Variants in ALK observed in about 807,000 individuals in gnomAD.
ALK encodes ALK tyrosine kinase receptor.
In ALK, 74 loss-of-function variants were observed where a neutral mutation model predicts 163.1. The ratio of observed to expected loss-of-function variants is 0.45; its 90% CI spans 0.38 to 0.55. The LOEUF is 0.55. Among genes scored for constraint, ALK ranks in the 20% least tolerant of loss-of-function variants. The probability of loss-of-function intolerance (pLI) is 0.00; values close to 1 mark genes in which losing one functional copy is unlikely to be tolerated. For synonymous variants in ALK, 960 were observed against 843.2 expected, an observed-to-expected ratio of 1.14 and a Z score of -2.40; for missense variants, 2,063 against 2,105.3, an observed-to-expected ratio of 0.98 and a Z score of 0.39.
At chr2:29,435,449 G>T (rs537378378) in intron 4 of ALK, among the ~76,000 whole-genome samples, 277 of 152,084 alleles carry the variant, frequency 1.8e-3, no homozygotes, top group Non-Finnish European at 2.9e-3. Flanking sequence ...CACTTCGTAA[G>T]ATTAAAAAAA....
chr2:29,635,211 T>C (rs1202344526), intron 3 of ALK, among the ~76,000 whole-genome samples: 3 of 152,152 alleles, frequency 2.0e-5, no homozygotes, highest in African/African-American at 4.8e-5. Flanking sequence ...TTCCCCAAAA[T>C]AGATATATAG....
rs1373907084 is a variant in ALK, at chr2:29,223,384, C to CTGA, written c.3314_3316dup (p.Ile1105dup). 1 of 1,614,084 alleles carries CTGA rather than the reference C, an allele frequency of 6.2e-7. No homozygotes were observed. Among genetic ancestry groups the CTGA allele is most frequent in the Non-Finnish European group, 8.5e-7 (1 of 1,180,056 alleles). On this transcript the variant is annotated inframe_insertion, in exon 20 of 29. Coordinates refer to ENST00000389048, the MANE Select transcript of ALK (RefSeq NM_004304.5). ...TTTCCGCGGCACCTCCTTCAGGTCA[C>CTGA]TGATGGAGGAGGTCTTGCCAGCAAA...
In ALK at chr2:29,790,863, T is replaced by C. The variant is rs149087758; in HGVS notation, c.668-73166A>G. ...CCTCCCAGAGTGCTGGAATTAGAGG[T>C]GTGAGTCACCTCACCCGGCCAAAAA... On this transcript the variant is annotated intron_variant, in intron 1 of 28. Coordinates refer to ENST00000389048, the MANE Select transcript of ALK (RefSeq NM_004304.5). Among the ~76,000 whole-genome samples, 28 of 152,292 alleles carry C rather than the reference T, an allele frequency of 1.8e-4. No homozygotes were observed. The East Asian group carries it at 4.6e-3, about 25-fold the overall frequency.
intron 2 of ALK, 146 bp from the exon 3 acceptor site, chr2:29,695,160 C>T (rs979665482): frequency 2.4e-6 from 2 of 844,026 alleles, no homozygotes; most frequent in African/African-American, 1.7e-5. Context: ...TACCACAGGG[C>T]TCTGTATTGG....
At chr2:29,200,725 A>G (rs1669137601) in intron 26 of ALK, among the ~76,000 whole-genome samples, 1 of 146,768 alleles carries the variant, frequency 6.8e-6, no homozygotes, top group Non-Finnish European at 1.5e-5. Flanking sequence ...ACATACGTAT[A>G]TATGTATATA....
intron 9 of ALK, among the ~76,000 whole-genome samples, chr2:29,284,837 C>T (rs936150404): frequency 4.6e-5 from 7 of 152,168 alleles, no homozygotes; most frequent in Admixed American, 3.9e-4. Context: ...GGTTGCACAT[C>T]GTGTGCTGAG....
intron 1 of ALK, among the ~76,000 whole-genome samples, chr2:29,831,470 T>C (rs1039160937): frequency 1.3e-5 from 2 of 152,054 alleles, no homozygotes; most frequent in South Asian, 4.1e-4. Flanking sequence ...GACTCCTCTA[T>C]ACGCTAAATT....
chr2:29,496,229 CT>C (rs1313103457), intron 4 of ALK, among the ~76,000 whole-genome samples: 3 of 152,150 alleles, frequency 2.0e-5, no homozygotes, highest in Non-Finnish European at 4.4e-5. Flanking sequence ...TTATAAACAG[CT>C]TTTTTGCTCA....
At chr2:29,328,958 T>C (rs913561164) in intron 5 of ALK, among the ~76,000 whole-genome samples, 3 of 152,176 alleles carry the variant, frequency 2.0e-5, no homozygotes, top group Admixed American at 6.5e-5. Context: ...TGAGAAGATA[T>C]TAGAAAGATG....
chr2:29,894,934 A>G (rs1341393605), intron 1 of ALK, among the ~76,000 whole-genome samples: 1 of 152,082 alleles, frequency 6.6e-6, no homozygotes, highest in Non-Finnish European at 1.5e-5. Context: ...AGAGAGATGT[A>G]GCATTTGTTT....
chr2:29,388,238 G>A (rs1277923582), intron 4 of ALK, among the ~76,000 whole-genome samples: 1 of 152,146 alleles, frequency 6.6e-6, no homozygotes, highest in Admixed American at 6.5e-5. Context: ...GAGGGCAAAG[G>A]CACCAAGTTA....
rs150598123 is a variant in ALK, at chr2:29,345,941, T to C, written c.1283-17460A>G. Among the ~76,000 whole-genome samples the C allele has an allele frequency of 5.0e-4, 76 of 152,342 alleles. No individual in the cohort carries two copies. In the East Asian group the frequency reaches 0.012, roughly 24 times the overall value. ...AGAAAGGAAAACTAGAAGGAATGTA[T>C]GTCAAATTGTTAACCATAGTTATCT... On this transcript the variant is annotated intron_variant, in intron 5 of 28. Transcript: ENST00000389048.
chr2:29,451,739 C>T (rs1670824921), intron 4 of ALK, among the ~76,000 whole-genome samples: 1 of 152,148 alleles, frequency 6.6e-6, no homozygotes, highest in African/African-American at 2.4e-5. Flanking sequence ...TGTTTATTTG[C>T]ATATTTGTCT....
At chr2:29,416,686 C>A (rs1669885717) in intron 4 of ALK, among the ~76,000 whole-genome samples, 1 of 152,116 alleles carries the variant, frequency 6.6e-6, no homozygotes, top group African/African-American at 2.4e-5. Context: ...AGATACTACT[C>A]CTTTTGGCTC....
intron 11 of ALK, among the ~76,000 whole-genome samples, chr2:29,255,373 G>A (rs1286263530): frequency 1.3e-5 from 2 of 152,156 alleles, no homozygotes; most frequent in Non-Finnish European, 2.9e-5. Context: ...ACCACCTGAG[G>A]ACCTTTCACA....
intron 4 of ALK, among the ~76,000 whole-genome samples, chr2:29,465,711 A>G (rs1436549194): frequency 2.0e-5 from 3 of 152,132 alleles, no homozygotes; most frequent in Admixed American, 1.3e-4. Context: ...AACAAAAACA[A>G]AAAAAGTTAA....
At chr2:29,823,928 A>G (rs534304565) in intron 1 of ALK, among the ~76,000 whole-genome samples, 15 of 152,354 alleles carry the variant, frequency 9.8e-5, no homozygotes, top group African/African-American at 3.6e-4. Flanking sequence ...AGGGCATGTC[A>G]GAGGTCTTCA....
At chr2:29,203,320 T>G (rs1453857342) in intron 26 of ALK, among the ~76,000 whole-genome samples, 2 of 151,184 alleles carry the variant, frequency 1.3e-5, no homozygotes, top group Non-Finnish European at 2.9e-5. Flanking sequence ...AATGTGGAGG[T>G]TTTTCATTCT....
At chr2:29,584,748 G>A (rs1674831797) in intron 3 of ALK, among the ~76,000 whole-genome samples, 1 of 152,196 alleles carries the variant, frequency 6.6e-6, no homozygotes, top group African/African-American at 2.4e-5. Context: ...ACCTGAGCAT[G>A]GTGACATCAG....
Sources: gnomAD v4.1 joint callset for allele counts (sites outside exome capture counted in the v4.1 genomes callset) on GRCh38, gnomAD v4.1.1 for gene constraint, MANE v1.5 for transcripts, NCBI Gene and HGNC (gene_info 2026-07-23, HGNC 2026-07-21) for gene names.